The following PDE7B variants were observed in gnomAD, a reference collection of about 807,000 sequenced individuals.
PDE7B encodes the protein phosphodiesterase 7B.
PDE7B carries 29 observed loss-of-function variants against 56.2 expected under a neutral mutation model. The observed-to-expected ratio is 0.52, with a 90% confidence interval of 0.38 to 0.70. The LOEUF is 0.70. Ranked by LOEUF, PDE7B falls within the 30% of genes least tolerant of loss-of-function variation. PDE7B has a pLI of 0.00. For synonymous variants in PDE7B, 197 were observed against 196.9 expected (o/e 1.00, Z 0.00); for missense variants, 490 against 565.0 (o/e 0.87, Z 1.35).
intron 1 of PDE7B, among the ~76,000 whole-genome samples, chr6:135,941,454 A>C (rs1003996794): frequency 2.0e-5 from 3 of 152,208 alleles, no homozygotes; most frequent in Non-Finnish European, 2.9e-5. Context: ...ACCCTGGATC[A>C]CTGCCACAGT....
chr6:136,190,774 C>T (rs1779209836), intron 12 of PDE7B, among the ~76,000 whole-genome samples: 1 of 152,172 alleles, frequency 6.6e-6, no homozygotes, highest in South Asian at 2.1e-4. Context: ...CTTATCTAGT[C>T]ATTAAAGCTG....
intron 9 of PDE7B, among the ~76,000 whole-genome samples, chr6:136,177,215 C>A (rs1237347986): frequency 1.3e-5 from 2 of 151,972 alleles, no homozygotes; most frequent in Non-Finnish European, 2.9e-5. Flanking sequence ...GTAATCCTAG[C>A]ACTTTGGGAG....
intron 3 of PDE7B, among the ~76,000 whole-genome samples, chr6:136,142,692 T>G (rs1354651128): frequency 6.6e-6 from 1 of 152,220 alleles, no homozygotes; most frequent in Non-Finnish European, 1.5e-5. Flanking sequence ...ATTGATCCCT[T>G]TACCATTATG....
chr6:135,959,377 AT>A (rs1774858160), intron 2 of PDE7B, among the ~76,000 whole-genome samples: 1 of 152,192 alleles, frequency 6.6e-6, no homozygotes, highest in South Asian at 2.1e-4. Flanking sequence ...CGAAATGTAA[AT>A]TTCAGAAAAA....
chr6:136,113,817 C>T (rs563398294), intron 3 of PDE7B, among the ~76,000 whole-genome samples: 35 of 152,314 alleles, frequency 2.3e-4, no homozygotes, highest in Admixed American at 1.7e-3. Context: ...GCAGAGCAGG[C>T]GGCTCCAGCA....
At chr6:135,989,394 A>G (rs2128205008) in intron 2 of PDE7B, among the ~76,000 whole-genome samples, 1 of 152,310 alleles carries the variant, frequency 6.6e-6, no homozygotes, top group East Asian at 1.9e-4. Context: ...CAGGTGGATC[A>G]CCTGAGGTCG....
At chr6:136,027,876 C>T (rs1583835984) in intron 2 of PDE7B, among the ~76,000 whole-genome samples, 2 of 152,288 alleles carry the variant, frequency 1.3e-5, no homozygotes, top group African/African-American at 2.4e-5. Flanking sequence ...GCTGCCTCAG[C>T]CTCCCAAAGT....
chr6:136,086,838 C>T (rs922312777), intron 2 of PDE7B, among the ~76,000 whole-genome samples: 12 of 152,180 alleles, frequency 7.9e-5, no homozygotes, highest in Non-Finnish European at 1.3e-4. Flanking sequence ...AGTGTGTGTA[C>T]GGTGCCAAGA....
At chr6:136,122,571 A>G (rs1777954901) in intron 3 of PDE7B, among the ~76,000 whole-genome samples, 1 of 152,186 alleles carries the variant, frequency 6.6e-6, no homozygotes, top group African/African-American at 2.4e-5. Flanking sequence ...TTATATTTCA[A>G]AATTGTTGCC....
intron 2 of PDE7B, among the ~76,000 whole-genome samples, chr6:136,025,839 T>C (rs1368259289): frequency 1.3e-5 from 2 of 152,222 alleles, no homozygotes; most frequent in African/African-American, 4.8e-5. Context: ...ATGCAGAAAG[T>C]GACCCAAGTC....
chr6:135,867,041 G>A (rs534549583), intron 1 of PDE7B, among the ~76,000 whole-genome samples: 2 of 152,182 alleles, frequency 1.3e-5, no homozygotes, highest in African/African-American at 4.8e-5. Context: ...GGGATCTTTC[G>A]AGCACAGGTG....
At chr6:136,088,990 C>T (rs1302530884) in intron 2 of PDE7B, among the ~76,000 whole-genome samples, 1 of 150,774 alleles carries the variant, frequency 6.6e-6, no homozygotes, top group African/African-American at 2.5e-5. Context: ...ATGCCTTTCC[C>T]CCGCCAAAAA....
chr6:135,925,482 A>G (rs549784299), intron 1 of PDE7B, among the ~76,000 whole-genome samples: 2 of 152,334 alleles, frequency 1.3e-5, no homozygotes, highest in South Asian at 2.1e-4. Context: ...TCTGTTTACT[A>G]CAAAAAATCA....
intron 3 of PDE7B, among the ~76,000 whole-genome samples, chr6:136,137,126 A>C (rs571396332): frequency 2.0e-5 from 3 of 152,180 alleles, no homozygotes; most frequent in African/African-American, 7.2e-5. Flanking sequence ...GTAGTGGTAC[A>C]TATGTATAAT....
At chr6:136,020,063 C>G (rs1776044746) in intron 2 of PDE7B, among the ~76,000 whole-genome samples, 1 of 152,194 alleles carries the variant, frequency 6.6e-6, no homozygotes, top group African/African-American at 2.4e-5. Flanking sequence ...ATCAGAGATT[C>G]TGCTTGGTAA....
chr6:135,877,024 T>G (rs1231098196), intron 1 of PDE7B, among the ~76,000 whole-genome samples: 1 of 152,210 alleles, frequency 6.6e-6, no homozygotes, highest in African/African-American at 2.4e-5. Flanking sequence ...ATTTGCGTTT[T>G]CATCTTTAAT....
intron 1 of PDE7B, among the ~76,000 whole-genome samples, chr6:135,912,996 G>A (rs1334277536): frequency 6.6e-6 from 1 of 151,954 alleles, no homozygotes; most frequent in Non-Finnish European, 1.5e-5. Flanking sequence ...GGCAAAGCAG[G>A]GAACTTGCTC....
intron 2 of PDE7B, among the ~76,000 whole-genome samples, chr6:136,008,177 G>A (rs550727231): frequency 2.0e-5 from 3 of 152,040 alleles, no homozygotes; most frequent in South Asian, 2.1e-4. Flanking sequence ...CATTTTTTAC[G>A]GCTGCATAGT....
At chr6:135,931,474 G>A (rs1201527587) in intron 1 of PDE7B, among the ~76,000 whole-genome samples, 1 of 152,152 alleles carries the variant, frequency 6.6e-6, no homozygotes, top group South Asian at 2.1e-4. Flanking sequence ...AAGAATGTTG[G>A]CATCAGTTAA....
Sources: allele counts gnomAD v4.1 joint callset (sites outside exome capture counted in the v4.1 genomes callset), GRCh38; gene constraint gnomAD v4.1.1; transcripts MANE v1.5; gene names NCBI Gene and HGNC (gene_info 2026-07-23, HGNC 2026-07-21).